Variants in GALNS observed in about 807,000 individuals in gnomAD.
GALNS encodes the protein galactosamine (N-acetyl)-6-sulfatase, also known as N-acetylgalactosamine-6-sulfatase.
GALNS carries 65 observed loss-of-function variants against 65.9 expected under a neutral mutation model. The observed-to-expected ratio is 0.99, with a 90% confidence interval of 0.81 to 1.21. The LOEUF (loss-of-function observed/expected upper bound fraction) is 1.21. Among genes scored for constraint, GALNS ranks in the 50% most tolerant of loss-of-function variants. GALNS has a pLI of 0.00. For missense variants in GALNS, 776 were observed against 700.7 expected, an observed-to-expected ratio of 1.11 and a Z score of -1.21; for synonymous variants, 346 against 288.9, an observed-to-expected ratio of 1.20 and a Z score of -2.00.
intron 11 of GALNS, among the ~76,000 whole-genome samples, chr16:88,823,752 G>A (rs1283297710): frequency 6.9e-6 from 1 of 144,606 alleles, no homozygotes; most frequent in Non-Finnish European, 1.5e-5. Context: ...GGGGAACGAT[G>A]CCCAGGACGG....
rs563700071 is a variant in GALNS at position 88,843,311 on chromosome 16, A to G, written c.121-482T>C. 19 of 835,810 alleles carry G rather than the reference A, an allele frequency of 2.3e-5. No homozygotes were observed. In the African/African-American group the frequency reaches 3.3e-4, roughly 15 times the overall value. 51.8% of individuals were successfully genotyped at this position (835,810 alleles called of 1,614,324 possible). A position where few individuals can be genotyped will look rare whatever the true frequency, so the allele number is the denominator to read the frequency against. ...AGTTATCGTGTGACCCTGCAGTTCC[A>G]CGCTGCAACTCCACTCCTAGCTGTA... On this transcript the variant is annotated intron_variant, in intron 1 of 13. Coordinates refer to ENST00000268695, the MANE Select transcript of GALNS (RefSeq NM_000512.5).
At chr16:88,836,105 G>A in intron 6 of GALNS, 96 bp downstream of exon 6, 1 of 1,236,062 alleles carries the variant, frequency 8.1e-7, no homozygotes, top group Non-Finnish European at 1.2e-6. Context: ...GGGTGAGGTT[G>A]ATGCATTCCT....
intron 1 of GALNS, among the ~76,000 whole-genome samples, chr16:88,852,700 T>C (rs950569888): frequency 6.6e-6 from 1 of 152,220 alleles, no homozygotes; most frequent in Non-Finnish European, 1.5e-5. Context: ...GATGACCTGA[T>C]GGAGCTGAAA....
At chr16:88,831,930 G>C (rs1002668325) in intron 9 of GALNS, 68 bp downstream of exon 9, 2 of 1,360,688 alleles carry the variant, frequency 1.5e-6, no homozygotes, top group African/African-American at 1.4e-5. Context: ...CCAGTGAGGG[G>C]CGCACACACC....
chr16:88,838,714 C>CGGGCT (rs1912400360), intron 4 of GALNS: 1 of 152,314 alleles, frequency 6.6e-6, no homozygotes, highest in Non-Finnish European at 1.5e-5. Flanking sequence ...CTCTTCAGAA[C>CGGGCT]GGGCTGCAGG....
At chr16:88,832,455 G>C (rs551588530) in intron 8 of GALNS, among the ~76,000 whole-genome samples, 59 of 152,292 alleles carry the variant, frequency 3.9e-4, no homozygotes, top group African/African-American at 1.4e-3. Context: ...CAAGCCTCCC[G>C]GTGTTTGGGG....
chr16:88,814,092 T>TC lies in GALNS; in HGVS notation c.*346dup. 1 of 408,130 alleles carries TC rather than the reference T, an allele frequency of 2.5e-6. No individual in the cohort carries two copies. Among genetic ancestry groups the TC allele is most frequent in the African/African-American group, 2.0e-5 (1 of 49,128 alleles). The allele number at this position is 408,130 out of a possible 1,614,324, so 25.3% of individuals were successfully genotyped here. ...ACCTCAGGCACCTGTTGTCAGGACCTCCTGAGGCTGTCACAGGTGCATCCT... is the reference window on the plus strand; with the variant it reads ...ACCTCAGGCACCTGTTGTCAGGACCTCCCTGAGGCTGTCACAGGTGCATCCT... On this transcript the variant is annotated 3_prime_UTR_variant, in exon 14 of 14. Coordinates refer to ENST00000268695, the MANE Select transcript of GALNS (RefSeq NM_000512.5).
chr16:88,839,379 A>G (rs1912485127), intron 4 of GALNS, among the ~76,000 whole-genome samples: 1 of 152,262 alleles, frequency 6.6e-6, no homozygotes, highest in Admixed American at 6.5e-5. Context: ...GCACATGGGC[A>G]GGACGCTACA....
intron 9 of GALNS, among the ~76,000 whole-genome samples, chr16:88,828,375 T>A (rs938999338): frequency 6.6e-6 from 1 of 152,118 alleles, no homozygotes; most frequent in East Asian, 1.9e-4. Context: ...CATCCAGAAA[T>A]GCAGTGGGCA....
intron 13 of GALNS, chr16:88,816,294 AGAGAAGGACCCAG>A: frequency 1.0e-6 from 1 of 985,338 alleles, no homozygotes; most frequent in Non-Finnish European, 1.2e-6. Flanking sequence ...CCTGGGTCGT[AGAGAAGGACCCAG>A]CAGCACGGAG....
chr16:88,817,377 G>A, intron 13 of GALNS: 1 of 985,458 alleles, frequency 1.0e-6, no homozygotes, highest in Middle Eastern at 5.2e-4. Flanking sequence ...ACAAGGCCTG[G>A]TCTTGTCAGG....
At chr16:88,826,656 C>A in intron 10 of GALNS, 46 bp downstream of exon 10, 1 of 1,598,916 alleles carries the variant, frequency 6.3e-7, no homozygotes, top group Non-Finnish European at 8.5e-7. Flanking sequence ...CTCTGGGCTT[C>A]ACTACTTGGA....
At chr16:88,825,096 G>C (rs1007353155) in intron 10 of GALNS, among the ~76,000 whole-genome samples, 3 of 147,710 alleles carry the variant, frequency 2.0e-5, no homozygotes, top group African/African-American at 7.9e-5. Context: ...GGGTGACTGG[G>C]TATCTGGGGC....
Position 88,841,948 on chromosome 16 carries a change from G to T in GALNS, c.268C>A (p.Arg90=). The change falls in exon 3 of 14, where the codon CGG becomes AGG. Residue 90 remains arginine (R), a synonymous_variant. Coordinates refer to ENST00000268695, the MANE Select transcript of GALNS (RefSeq NM_000512.5). ...TAGAAGCCATTGCGGATGGGTAGCC[G>T]TCCTGTGAGCAGTGCCGCCCTCGCT... ...SPSRAALLTG[R]LPIRNGFYTT... 6.2e-7 allele frequency: 1 copy of T among 1,613,450 alleles called. No individual in the cohort carries two copies.
At chr16:88,815,847 GTT>G (rs199996177) in intron 13 of GALNS, 15,226 of 985,332 alleles carry the variant, frequency 0.015, 373 homozygotes, top group African/African-American at 0.1. Context: ...CGCAGGGTGT[GTT>G]TGAGTCTGGA....
chr16:88,842,010 G>T (rs373198055), intron 2 of GALNS, 39 bp from the exon 3 acceptor site: 3 of 1,579,882 alleles, frequency 1.9e-6, no homozygotes, highest in African/African-American at 2.7e-5. Context: ...GGATAAGAAG[G>T]GTGTGGCTCA....
intron 6 of GALNS, 47 bp from the exon 7 acceptor site, chr16:88,835,896 C>T (rs1200131781): frequency 2.5e-6 from 4 of 1,612,586 alleles, no homozygotes; most frequent in Non-Finnish European, 3.4e-6. Context: ...GGCCGACCTC[C>T]TCATGCCTCC....
intron 1 of GALNS, among the ~76,000 whole-genome samples, chr16:88,848,249 G>A (rs950728517): frequency 6.6e-5 from 10 of 152,188 alleles, no homozygotes; most frequent in African/African-American, 2.4e-4. Flanking sequence ...ATGATGTGAC[G>A]ATGTGTGGTG....
Position 88,851,684 on chromosome 16 carries a change from C to G in GALNS, c.120+5074G>C, listed in dbSNP as rs532794152. ...TAGTGCGCTTTTCCAACGGTCTTAG[C>G]TAACGACACACCAGGAGATTATATC... On this transcript the variant is annotated intron_variant, in intron 1 of 13. Transcript: ENST00000268695. Among the ~76,000 whole-genome samples the G allele has an allele frequency of 2.0e-5, 3 of 152,352 alleles. No individual in the cohort carries two copies. The East Asian group carries it at 5.8e-4, about 29-fold the overall frequency.
Sources: allele counts gnomAD v4.1 joint callset (sites outside exome capture counted in the v4.1 genomes callset), GRCh38; gene constraint gnomAD v4.1.1; transcripts MANE v1.5; gene names NCBI Gene and HGNC (gene_info 2026-07-23, HGNC 2026-07-21).